Variants in PTPRC observed in about 807,000 individuals in gnomAD.
PTPRC encodes the protein receptor-type tyrosine-protein phosphatase C.
Under a neutral mutation model 155.9 loss-of-function variants are expected in PTPRC, and 44 were observed. The ratio of observed to expected loss-of-function variants is 0.28; its 90% CI spans 0.22 to 0.36. The LOEUF (loss-of-function observed/expected upper bound fraction) is 0.36. Among genes scored for constraint, PTPRC ranks in the 10% least tolerant of loss-of-function variants. The probability of loss-of-function intolerance (pLI) is 1.00; values close to 1 mark genes in which losing one functional copy is unlikely to be tolerated. For missense variants in PTPRC, 1,401 were observed against 1,564.6 expected (o/e 0.90, Z 1.76); for synonymous variants, 525 against 533.1 (o/e 0.98, Z 0.21).
intron 11 of PTPRC, among the ~76,000 whole-genome samples, chr1:198,712,518 T>C (rs779284446): frequency 4.6e-5 from 7 of 152,218 alleles, no homozygotes; most frequent in Non-Finnish European, 7.4e-5. Context: ...TATTTAAACA[T>C]TTATCAGTTT....
rs79285697 is a variant in PTPRC, at chr1:198,680,797, G to C, written c.74-11550G>C. ...AGGAGGAATTCAAGGACTGTGTACC[G>C]AAATTCAGGAGAATGATGTGAAATA... On this transcript the variant is annotated intron_variant, in intron 2 of 32. Coordinates refer to ENST00000442510, the MANE Select transcript of PTPRC (RefSeq NM_002838.5). Among the ~76,000 whole-genome samples the C allele has an allele frequency of 9.2e-3, 1,407 of 152,226 alleles. 20 individuals are homozygous for C. Among genetic ancestry groups the C allele is most frequent in the African/African-American group, 0.032 (1,327 of 41,544 alleles).
chr1:198,660,631 A>G (rs1238745987), intron 2 of PTPRC: 2 of 152,024 alleles, frequency 1.3e-5, no homozygotes, highest in Admixed American at 1.3e-4. Context: ...ACCTTTTTGA[A>G]AGAATCTTAA....
intron 23 of PTPRC, among the ~76,000 whole-genome samples, chr1:198,737,401 T>A (rs116364567): frequency 6.1e-4 from 92 of 151,812 alleles, no homozygotes; most frequent in African/African-American, 1.9e-3. Context: ...GTTTCATTCT[T>A]CCACATATGA....
intron 5 of PTPRC, among the ~76,000 whole-genome samples, chr1:198,701,846 A>G (rs1222134788): frequency 6.6e-6 from 1 of 152,248 alleles, no homozygotes; most frequent in Non-Finnish European, 1.5e-5. Context: ...CTTTGAGCTC[A>G]TGCTGTGGCC....
chr1:198,681,938 G>A (rs949071895), intron 2 of PTPRC, among the ~76,000 whole-genome samples: 5 of 152,200 alleles, frequency 3.3e-5, no homozygotes, highest in African/African-American at 1.2e-4. Flanking sequence ...CCCCGAGATA[G>A]GGCTGATTAT....
chr1:198,700,626 C>G (rs371203409), intron 5 of PTPRC, among the ~76,000 whole-genome samples: 1 of 152,124 alleles, frequency 6.6e-6, no homozygotes, highest in Non-Finnish European at 1.5e-5. Context: ...TTTAGCAAAC[C>G]CACAGATCCA....
At chr1:198,734,787 G>A (rs773848713) in intron 22 of PTPRC, among the ~76,000 whole-genome samples, 46 of 151,636 alleles carry the variant, frequency 3.0e-4, no homozygotes, top group Non-Finnish European at 5.0e-4. Flanking sequence ...GTCATGTAAT[G>A]TGACTTTAGG....
At position 198,708,166 on chromosome 1, in the gene PTPRC, A is replaced by C; in HGVS notation, c.938A>C (p.Gln313Pro). Residue 313 changes from glutamine (Q) to proline (P), a missense_variant, in exon 10 of 33, where the codon CAA (glutamine) becomes CCA (proline). Gln to Pro is a moderately conservative substitution (Grantham distance 76). Around this residue, in one of 3 missense-constraint regions of PTPRC, gnomAD observed 867 missense variants for 970.4 expected, o/e 0.89. Coordinates refer to ENST00000442510, the MANE Select transcript of PTPRC (RefSeq NM_002838.5). ...AAGTTTCAGTTACATGATTGTACAC[A>C]AGTTGAAAAAGCAGATACTACTATT... ...VEKFQLHDCT[Q>P]VEKADTTICL... The C allele has an allele frequency of 6.2e-7, 1 of 1,606,744 alleles. No individual in the cohort carries two copies. Among genetic ancestry groups the C allele is most frequent in the Non-Finnish European group, 8.5e-7 (1 of 1,173,962 alleles).
At chr1:198,706,137 A>G (rs2102409944) in intron 8 of PTPRC, among the ~76,000 whole-genome samples, 1 of 152,342 alleles carries the variant, frequency 6.6e-6, no homozygotes, top group East Asian at 1.9e-4. Flanking sequence ...GAATAAATTT[A>G]TATTTGTTGT....
At chr1:198,713,462 CA>C (rs1173283332) in intron 12 of PTPRC, among the ~76,000 whole-genome samples, 1 of 152,106 alleles carries the variant, frequency 6.6e-6, no homozygotes, top group Non-Finnish European at 1.5e-5. Flanking sequence ...AAACTTGTTT[CA>C]GCTAATAATA....
chr1:198,666,144 G>T, intron 2 of PTPRC, among the ~76,000 whole-genome samples: 1 of 149,842 alleles, frequency 6.7e-6, no homozygotes, highest in South Asian at 2.1e-4. Context: ...GAGGTGAAAA[G>T]ATTGTTTGAG....
At position 198,704,455 on chromosome 1, in the gene PTPRC, T is replaced by C; in HGVS notation, c.659-17T>C. ...AAGCAAAATTTTAATAATTTACATT[T>C]TTTTTCTCCATTACAGCTACTACTC... is the stretch of plus-strand genomic sequence containing the variant. On this transcript the variant is annotated splice_polypyrimidine_tract_variant and intron_variant, in intron 7 of 32. Coordinates refer to ENST00000442510, the MANE Select transcript of PTPRC (RefSeq NM_002838.5). 6.2e-7 allele frequency: 1 copy of C among 1,613,898 alleles called. No homozygotes were observed. The highest frequency in any genetic ancestry group is 8.5e-7 in the Non-Finnish European group (1 of 1,179,916).
At chr1:198,691,260 T>C (rs1020598614) in intron 2 of PTPRC, among the ~76,000 whole-genome samples, 2 of 152,104 alleles carry the variant, frequency 1.3e-5, no homozygotes, top group Admixed American at 6.5e-5. Flanking sequence ...AATGCTATTA[T>C]ACATTTTCAC....
intron 2 of PTPRC, 66 bp from the exon 3 acceptor site, chr1:198,692,281 T>G: frequency 8.3e-7 from 1 of 1,206,968 alleles, no homozygotes. Context: ...AAAAATCTAA[T>G]ATATGTTTAC....
intron 4 of PTPRC, among the ~76,000 whole-genome samples, 161 bp downstream of exon 4, chr1:198,697,070 A>G (rs913768551): frequency 6.6e-6 from 1 of 152,236 alleles, no homozygotes; most frequent in Non-Finnish European, 1.5e-5. Flanking sequence ...TGAAATATAG[A>G]TCGACTGAAG....
Position 198,693,998 on chromosome 1 carries a change from G to T in PTPRC, c.100+1625G>T, listed in dbSNP as rs1049209906. 1.9e-6 allele frequency: 3 copies of T among 1,545,288 alleles called. No individual in the cohort carries two copies. In the African/African-American group the frequency reaches 4.1e-5, roughly 21 times the overall value. ...GTTTATGTGATTGACACACAATCAC[G>T]AGGTGAATTCCCACAATAGGCCATC... On this transcript the variant is annotated intron_variant, in intron 3 of 32. Coordinates refer to ENST00000442510, the MANE Select transcript of PTPRC (RefSeq NM_002838.5).
chr1:198,686,279 G>GA (rs1401791238), intron 2 of PTPRC, among the ~76,000 whole-genome samples: 3 of 151,950 alleles, frequency 2.0e-5, no homozygotes, highest in Non-Finnish European at 2.9e-5. Context: ...ATTATAATGG[G>GA]AAAAAGAGCT....
intron 2 of PTPRC, among the ~76,000 whole-genome samples, chr1:198,640,440 T>C (rs1216630780): frequency 6.6e-6 from 1 of 151,900 alleles, no homozygotes; most frequent in Non-Finnish European, 1.5e-5. Context: ...CAATTTCTAT[T>C]TGGAGAGGAA....
intron 2 of PTPRC, among the ~76,000 whole-genome samples, chr1:198,640,586 T>C (rs1219240156): frequency 1.3e-5 from 2 of 152,010 alleles, no homozygotes; most frequent in East Asian, 3.9e-4. Flanking sequence ...GTTTATCAAG[T>C]TACCATCCCT....
Sources: gnomAD v4.1 joint callset for allele counts (sites outside exome capture counted in the v4.1 genomes callset) on GRCh38, gnomAD v4.1.1 for gene constraint, gnomAD v4.1.1 regional missense constraint, MANE v1.5 for transcripts, NCBI Gene and HGNC (gene_info 2026-07-23, HGNC 2026-07-21) for gene names.